Variants in NSD2 observed in about 807,000 individuals in gnomAD.
NSD2 encodes the protein nuclear receptor binding SET domain protein 2, also known as histone-lysine N-methyltransferase NSD2.
Under a neutral mutation model 139.0 loss-of-function variants are expected in NSD2, and 12 were observed. The observed-to-expected ratio is 0.09, with a 90% CI of 0.06 to 0.14. The LOEUF is 0.14. Ranked by LOEUF, NSD2 falls within the 10% of genes least tolerant of loss-of-function variation. The probability of loss-of-function intolerance (pLI) is 1.00; values close to 1 mark genes in which losing one functional copy is unlikely to be tolerated. For missense variants in NSD2, 1,155 were observed against 1,745.0 expected (o/e 0.66, Z 6.02); for synonymous variants, 669 against 648.7 (o/e 1.03, Z -0.48).
chr4:1,901,424 C>T (rs1717161272), intron 2 of NSD2, among the ~76,000 whole-genome samples, 173 bp downstream of exon 2: 1 of 152,182 alleles, frequency 6.6e-6, no homozygotes. Context: ...CTCCAGGATG[C>T]CCTGGCACTG....
chr4:1,889,274 GC>G (rs200930154), intron 1 of NSD2, among the ~76,000 whole-genome samples: 1,807 of 152,246 alleles, frequency 0.012, 39 homozygotes, highest in African/African-American at 0.041. Flanking sequence ...ATGGCTCACA[GC>G]CTCTACCTCT....
In NSD2 at chr4:1,945,167, C is replaced by G. The variant is rs1577510214; in HGVS notation, c.1881+5389C>G. On this transcript the variant is annotated intron_variant, in intron 9 of 21. Transcript: ENST00000508803. The stretch of plus-strand genomic sequence containing the variant: ...TGATTTTGTGTTTTTTGTTTAAGTA[C>G]TTCACACAGAAGCCTAGGTAGATTT... 1.8e-5 allele frequency: 19 copies of G among 1,066,150 alleles called. No individual in the cohort carries two copies. The East Asian group carries it at 6.0e-4, about 34-fold the overall frequency. The allele number at this position is 1,066,150 out of a possible 1,614,324, so 66.0% of individuals were successfully genotyped here. A position where few individuals can be genotyped will look rare whatever the true frequency, so the allele number is the denominator to read the frequency against.
intron 9 of NSD2, chr4:1,944,391 A>C (rs1723407911): frequency 2.8e-6 from 3 of 1,065,754 alleles, no homozygotes; most frequent in Non-Finnish European, 3.4e-6. Context: ...AAGAACCTCA[A>C]AATAATGGTG....
chr4:1,900,638 G>A lies in NSD2; in HGVS notation c.-17G>A, dbSNP rs751471755. 16 of 1,531,438 alleles carry A rather than the reference G, an allele frequency of 1.0e-5. No individual in the cohort carries two copies. The highest frequency in any genetic ancestry group is 1.7e-4 in the Middle Eastern group (1 of 5,728). 94.9% of individuals were successfully genotyped at this position (1,531,438 alleles called of 1,614,324 possible). A position where few individuals can be genotyped will look rare whatever the true frequency, so the allele number is the denominator to read the frequency against. On this transcript the variant is annotated 5_prime_UTR_variant, in exon 2 of 22. Coordinates refer to ENST00000508803, the MANE Select transcript of NSD2 (RefSeq NM_001042424.3). ...TTTAATACCATAGTGTTCTAAGAACGGAAGCATCTGGGCTGGATGGAATTT... is the reference window on the plus strand; with the variant it reads ...TTTAATACCATAGTGTTCTAAGAACAGAAGCATCTGGGCTGGATGGAATTT...
intron 12 of NSD2, 26 bp downstream of exon 12, chr4:1,953,550 C>A: frequency 1.9e-6 from 3 of 1,578,996 alleles, no homozygotes; most frequent in South Asian, 1.2e-5. Flanking sequence ...CGCAGCCTTG[C>A]TGTGGGTTCA....
chr4:1,938,636 G>A lies in NSD2; in HGVS notation c.1756+104G>A, dbSNP rs577251424. 17 of 929,690 alleles carry A rather than the reference G, an allele frequency of 1.8e-5. No individual in the cohort carries two copies. In the African/African-American group the frequency reaches 2.3e-4, roughly 13 times the overall value. 57.6% of individuals were successfully genotyped at this position (929,690 alleles called of 1,614,324 possible). On this transcript the variant is annotated intron_variant, in intron 8 of 21. Transcript: ENST00000508803. ...GGGGAAGGCTGGGGCTGGTGAAGGGGAACAGGGCAGGGGAGGAATCCACAA... is the reference window on the plus strand; with the variant it reads ...GGGGAAGGCTGGGGCTGGTGAAGGGAAACAGGGCAGGGGAGGAATCCACAA...
chr4:1,959,863 T>A, intron 17 of NSD2, 123 bp downstream of exon 17: 4 of 1,273,382 alleles, frequency 3.1e-6, no homozygotes, highest in Non-Finnish European at 4.3e-6. Flanking sequence ...AAAAAAATTT[T>A]TTTTGTTTTT....
intron 7 of NSD2, among the ~76,000 whole-genome samples, chr4:1,937,469 C>G (rs1398488033): frequency 6.6e-6 from 1 of 152,114 alleles, no homozygotes; most frequent in Non-Finnish European, 1.5e-5. Context: ...ACTCAGAATA[C>G]CAAAATTCAC....
rs1727649120 is a variant in NSD2 at position 1,980,474 on chromosome 4, C to G, written c.*1565C>G. The G allele has an allele frequency of 4.3e-6, 1 of 233,044 alleles. No individual in the cohort carries two copies. Among genetic ancestry groups the G allele is most frequent in the Non-Finnish European group, 8.5e-6 (1 of 118,006 alleles). 14.4% of individuals were successfully genotyped at this position (233,044 alleles called of 1,614,324 possible). ...ATCTTGCAGAGAAGTTTACAGAACT[C>G]CCCTTGAAAACTGCTGCTGAGGCTC... On this transcript the variant is annotated 3_prime_UTR_variant, in exon 22 of 22. Transcript: ENST00000508803.
At chr4:1,895,983 G>T (rs1489464912) in intron 1 of NSD2, among the ~76,000 whole-genome samples, 2 of 152,216 alleles carry the variant, frequency 1.3e-5, no homozygotes, top group African/African-American at 4.8e-5. Flanking sequence ...TCCTCTGCCT[G>T]GTGGTGGCTT....
chr4:1,905,350 G>T (rs552706127), intron 3 of NSD2, among the ~76,000 whole-genome samples: 76 of 152,358 alleles, frequency 5.0e-4, no homozygotes, highest in African/African-American at 1.8e-3. Flanking sequence ...TCTGATCTGT[G>T]CACCCTCTGG....
intron 7 of NSD2, among the ~76,000 whole-genome samples, chr4:1,935,793 A>G (rs954287252): frequency 2.0e-5 from 3 of 152,080 alleles, no homozygotes; most frequent in Non-Finnish European, 2.9e-5. Flanking sequence ...CCTGACAGGC[A>G]GAGGTTGCTG....
intron 18 of NSD2, among the ~76,000 whole-genome samples, chr4:1,969,479 C>T (rs760077956): frequency 3.3e-5 from 5 of 152,018 alleles, no homozygotes; most frequent in African/African-American, 7.3e-5. Context: ...GCAGGAGAAC[C>T]GCTTGAGCCC....
chr4:1,911,587 C>CAAAAAAAAAAAAAAAAA (rs372660600), intron 3 of NSD2, among the ~76,000 whole-genome samples: 63 of 41,878 alleles, frequency 1.5e-3, no homozygotes, highest in East Asian at 2.4e-3. Context: ...GACGCCATCT[C>CAAAAAAAAAAAAAAAAA]AAAAAAAAAA....
rs551427631 is a variant in NSD2, at chr4:1,876,281, T to C, written c.-30+4739T>C. On this transcript the variant is annotated intron_variant, in intron 1 of 21. Transcript: ENST00000508803. ...TAGTATCTGCTTTCCTAAAACCACC[T>C]GGCCCCAGATGAGTTTTCAAAGCAT... Among the ~76,000 whole-genome samples the C allele has an allele frequency of 2.6e-5, 4 of 152,266 alleles. No homozygotes were observed. The South Asian group carries it at 6.2e-4, about 24-fold the overall frequency.
chr4:1,904,820 G>C (rs1007427727), intron 3 of NSD2, among the ~76,000 whole-genome samples: 2 of 152,086 alleles, frequency 1.3e-5, no homozygotes, highest in African/African-American at 4.8e-5. Context: ...TTTACATGGA[G>C]CGGCTGATGT....
At chr4:1,943,758 G>A in intron 9 of NSD2, 2 of 1,059,346 alleles carry the variant, frequency 1.9e-6, no homozygotes, top group African/African-American at 1.6e-5. Flanking sequence ...TAAAGATGGG[G>A]AAAAAAAGAT....
chr4:1,890,306 G>GTTTTT (rs1020098203), intron 1 of NSD2, among the ~76,000 whole-genome samples: 3 of 146,870 alleles, frequency 2.0e-5, no homozygotes, highest in Admixed American at 1.4e-4. Context: ...TTTGTTTTTT[G>GTTTTT]TTTTTTTTTT....
In NSD2 at chr4:1,906,878, C is replaced by A. The variant is rs552038191; in HGVS notation, c.760+2500C>A. ...GTTTCACCATATTGGCCAGGCTGGTCTCAAACCTCTGACCTCAAGTGATCT... is the reference window on the plus strand; with the variant it reads ...GTTTCACCATATTGGCCAGGCTGGTATCAAACCTCTGACCTCAAGTGATCT... On this transcript the variant is annotated intron_variant, in intron 3 of 21. Coordinates refer to ENST00000508803, the MANE Select transcript of NSD2 (RefSeq NM_001042424.3). Among the ~76,000 whole-genome samples, 40 of 151,972 alleles carry A rather than the reference C, an allele frequency of 2.6e-4. 1 individual carries two copies. The East Asian group carries it at 7.8e-3, about 29-fold the overall frequency.
Sources: gnomAD v4.1 joint callset for allele counts (sites outside exome capture counted in the v4.1 genomes callset) on GRCh38, gnomAD v4.1.1 for gene constraint, MANE v1.5 for transcripts, NCBI Gene and HGNC (gene_info 2026-07-23, HGNC 2026-07-21) for gene names.